The following PTPDC1 variants were observed in gnomAD, a reference collection of about 807,000 sequenced individuals.
PTPDC1 encodes protein tyrosine phosphatase domain containing 1.
Under a neutral mutation model 75.3 loss-of-function variants are expected in PTPDC1, and 53 were observed. The ratio of observed to expected loss-of-function variants is 0.70; its 90% CI spans 0.56 to 0.88. PTPDC1 has a LOEUF of 0.88. PTPDC1 is among the 40% of genes least tolerant of loss of function. PTPDC1 has a pLI of 0.00. For missense variants in PTPDC1, 925 were observed against 998.6 expected (o/e 0.93, Z 0.99); for synonymous variants, 349 against 366.2 (o/e 0.95, Z 0.54).
At chr9:94,068,252 G>A (rs1826385975) in intron 2 of PTPDC1, among the ~76,000 whole-genome samples, 2 of 152,132 alleles carry the variant, frequency 1.3e-5, no homozygotes, top group Non-Finnish European at 1.5e-5. Context: ...TTCACTCAGA[G>A]ACCCCCATTC....
At chr9:94,048,096 T>G (rs942481719) in intron 1 of PTPDC1, among the ~76,000 whole-genome samples, 3 of 152,194 alleles carry the variant, frequency 2.0e-5, no homozygotes, top group African/African-American at 7.2e-5. Context: ...CTTCTCTCTA[T>G]TCTTCTTTAT....
chr9:94,099,782 C>G (rs1226129037), intron 6 of PTPDC1, among the ~76,000 whole-genome samples: 1 of 152,232 alleles, frequency 6.6e-6, no homozygotes, highest in African/African-American at 2.4e-5. Context: ...ACCCCCACTC[C>G]TGGGTCAGCC....
upstream of PTPDC1, among the ~76,000 whole-genome samples, chr9:94,080,120 G>C (rs543313986): frequency 1.1e-4 from 16 of 152,330 alleles, no homozygotes; most frequent in South Asian, 2.7e-3. Context: ...AGGATGAGGA[G>C]AGCATCTACC....
At chr9:94,068,866 G>A (rs966810611) in intron 2 of PTPDC1, among the ~76,000 whole-genome samples, 23 of 152,150 alleles carry the variant, frequency 1.5e-4, no homozygotes, top group Admixed American at 4.6e-4. Flanking sequence ...TATTTATTTA[G>A]CGTGGATTCC....
intron 2 of PTPDC1, among the ~76,000 whole-genome samples, chr9:94,076,806 A>G (rs1431621657): frequency 6.6e-6 from 1 of 152,216 alleles, no homozygotes; most frequent in East Asian, 1.9e-4. Context: ...AGCAGTAGAT[A>G]AGGGCTCTCA....
At chr9:94,079,291 G>T (rs1826800120) in intron 2 of PTPDC1, among the ~76,000 whole-genome samples, 1 of 148,394 alleles carries the variant, frequency 6.7e-6, no homozygotes, top group Non-Finnish European at 1.5e-5. Context: ...GAAGACAGTG[G>T]TTTTTTTTTA....
At chr9:94,031,076 G>T (rs1829716637) in exon 1 of PTPDC1, 2 of 152,244 alleles carry the variant, frequency 1.3e-5, no homozygotes, top group Non-Finnish European at 2.9e-5. Context: ...CGGACGGCGC[G>T]TCCTGCTGAC....
chr9:94,086,002 AAT>A (rs1827062188), intron 2 of PTPDC1, among the ~76,000 whole-genome samples: 1 of 152,252 alleles, frequency 6.6e-6, no homozygotes, highest in Non-Finnish European at 1.5e-5. Context: ...AAACTAGTCA[AAT>A]ACACCTTTTT....
chr9:94,037,818 A>G (rs915000782), intron 1 of PTPDC1, among the ~76,000 whole-genome samples: 1 of 152,206 alleles, frequency 6.6e-6, no homozygotes, highest in African/African-American at 2.4e-5. Context: ...AAAGTTATCC[A>G]GTCAGATATA....
At chr9:94,095,033 G>T (rs776012769) in intron 4 of PTPDC1, among the ~76,000 whole-genome samples, 1 of 152,220 alleles carries the variant, frequency 6.6e-6, no homozygotes, top group Non-Finnish European at 1.5e-5. Flanking sequence ...GAAATCACCC[G>T]TCTTCTGCGT....
chr9:94,074,844 TCC>T (rs1226925882), intron 2 of PTPDC1, among the ~76,000 whole-genome samples: 6 of 152,102 alleles, frequency 3.9e-5, no homozygotes. Context: ...GAGGTTTGTC[TCC>T]CCACTGGGCC....
At chr9:94,099,921 T>C (rs1249768036) in intron 6 of PTPDC1, among the ~76,000 whole-genome samples, 2 of 152,228 alleles carry the variant, frequency 1.3e-5, no homozygotes, top group Non-Finnish European at 2.9e-5. Flanking sequence ...TAGTTTTGCA[T>C]TTTTTTCCAT....
chr9:94,040,669 A>G (rs1365461795), intron 1 of PTPDC1, among the ~76,000 whole-genome samples: 1 of 152,132 alleles, frequency 6.6e-6, no homozygotes, highest in Non-Finnish European at 1.5e-5. Context: ...AATCTGTTTC[A>G]GTTTGTATAT....
intron 2 of PTPDC1, among the ~76,000 whole-genome samples, chr9:94,076,816 A>T (rs1826709862): frequency 6.6e-6 from 1 of 150,928 alleles, no homozygotes; most frequent in Admixed American, 6.6e-5. Context: ...AAGGGCTCTC[A>T]TTTTTTTTTA....
At chr9:94,088,007 A>C in intron 3 of PTPDC1, 96 bp downstream of exon 3, 1 of 1,450,326 alleles carries the variant, frequency 6.9e-7, no homozygotes. Context: ...TCATTTTAAC[A>C]ATAGGCAGTG....
intron 8 of PTPDC1, among the ~76,000 whole-genome samples, chr9:94,104,736 C>T (rs954993551): frequency 6.6e-5 from 10 of 152,122 alleles, no homozygotes; most frequent in African/African-American, 2.4e-4. Context: ...GTCAGTTCTA[C>T]CTTGGGTGTA....
chr9:94,092,077 G>A (rs150675979), intron 4 of PTPDC1, among the ~76,000 whole-genome samples: 5,442 of 148,438 alleles, frequency 0.037, 361 homozygotes, highest in African/African-American at 0.13. Flanking sequence ...TTGTGTCTCT[G>A]TTTCCTTCAG....
At chr9:94,102,248 G>A (rs1385423152) in intron 7 of PTPDC1, among the ~76,000 whole-genome samples, 2 of 151,992 alleles carry the variant, frequency 1.3e-5, no homozygotes, top group Admixed American at 6.5e-5. Context: ...ATTAGGTTGG[G>A]ATATGCACTC....
At chr9:94,105,022 A>C (rs1827966714) in intron 8 of PTPDC1, among the ~76,000 whole-genome samples, 1 of 152,254 alleles carries the variant, frequency 6.6e-6, no homozygotes, top group African/African-American at 2.4e-5. Flanking sequence ...CATTGATATG[A>C]AAGTGTCATT....
Sources: allele counts gnomAD v4.1 joint callset (sites outside exome capture counted in the v4.1 genomes callset), GRCh38; gene constraint gnomAD v4.1.1; transcripts MANE v1.5; gene names NCBI Gene and HGNC (gene_info 2026-07-23, HGNC 2026-07-21).